OPHN1: variants seen among roughly 807,000 people sequenced by gnomAD.
The protein encoded by OPHN1 is oligophrenin 1.
Under a neutral mutation model 60.7 loss-of-function variants are expected in OPHN1, and 11 were observed. That is an observed-to-expected ratio of 0.18 (90% CI 0.11 to 0.30). The LOEUF (loss-of-function observed/expected upper bound fraction) is 0.30. Among genes scored for constraint, OPHN1 ranks in the 10% least tolerant of loss-of-function variants. The pLI is 1.00. For synonymous variants in OPHN1, 226 were observed against 222.6 expected (o/e 1.02, Z -0.14); for missense variants, 449 against 611.0 (o/e 0.73, Z 2.80).
intron 6 of OPHN1, among the ~76,000 whole-genome samples, chrX:68,217,043 G>A (rs1007768830): frequency 7.2e-5 from 8 of 111,401 alleles, no homozygotes. Flanking sequence ...GGGAGTGCCA[G>A]ACATTGGGCG....
At chrX:68,187,316 G>A (rs2077467076) in intron 15 of OPHN1, among the ~76,000 whole-genome samples, 1 of 111,270 alleles carries the variant, frequency 9.0e-6, no homozygotes. Flanking sequence ...CTTGAGATAG[G>A]AAGATTATTC....
chrX:68,232,691 C>T (rs2077734000), intron 6 of OPHN1, among the ~76,000 whole-genome samples: 1 of 111,765 alleles, frequency 8.9e-6, no homozygotes, highest in African/African-American at 3.3e-5. Context: ...AGCTGTTTAA[C>T]AGTGAAGTTC....
At chrX:68,200,677 C>A (rs2077531583) in intron 11 of OPHN1, among the ~76,000 whole-genome samples, 1 of 111,473 alleles carries the variant, frequency 9.0e-6, no homozygotes, top group African/African-American at 3.3e-5. Context: ...AATAATGAAA[C>A]AAGCTAAGTC....
intron 21 of OPHN1, among the ~76,000 whole-genome samples, chrX:68,061,028 A>G (rs2076890932): frequency 8.9e-6 from 1 of 111,829 alleles, no homozygotes; most frequent in African/African-American, 3.3e-5. Flanking sequence ...GGTTAGGTTC[A>G]AAGAGGCAAC....
intron 2 of OPHN1, among the ~76,000 whole-genome samples, chrX:68,306,007 C>T (rs1248989437): frequency 8.9e-6 from 1 of 111,900 alleles, no homozygotes; most frequent in Admixed American, 9.5e-5. Flanking sequence ...ATCAATAAAA[C>T]AATGGAAATA....
intron 15 of OPHN1, among the ~76,000 whole-genome samples, chrX:68,131,159 G>T (rs1450408860): frequency 9.0e-6 from 1 of 110,593 alleles, no homozygotes; most frequent in African/African-American, 3.3e-5. Context: ...TAGATTTCAA[G>T]CCAAAAAGCA....
intron 16 of OPHN1, 121 bp downstream of exon 16, chrX:68,119,127 A>T: frequency 1.9e-6 from 1 of 520,844 alleles, no homozygotes; most frequent in Non-Finnish European, 3.4e-6. Context: ...TCCTCTTCAC[A>T]TGTTTTTTCT....
intron 15 of OPHN1, among the ~76,000 whole-genome samples, chrX:68,177,139 T>G (rs1167373290): frequency 2.7e-5 from 3 of 110,345 alleles, no homozygotes; most frequent in Non-Finnish European, 5.7e-5. Flanking sequence ...ACAGTTTGAT[T>G]TCATTTATAT....
intron 2 of OPHN1, among the ~76,000 whole-genome samples, chrX:68,395,674 C>T (rs1400427903): frequency 9.2e-6 from 1 of 108,478 alleles, no homozygotes; most frequent in Non-Finnish European, 1.9e-5. Flanking sequence ...CTCGAACTCC[C>T]GACTTCAGGT....
rs187627806 is a variant in OPHN1 at position 68,064,403 on chromosome X, T to C, written c.1835-226A>G. ...TAGGGAATTCAAGATCCGCGTATGA[T>C]TTTCACCACCACAATTCAATAAGCC... On this transcript the variant is annotated intron_variant, in intron 20 of 24. Transcript: ENST00000355520. Among the ~76,000 whole-genome samples, 3 of 111,033 alleles carry C rather than the reference T, an allele frequency of 2.7e-5. No individual in the cohort carries two copies. In the East Asian group the frequency reaches 8.5e-4, roughly 32 times the overall value.
intron 20 of OPHN1, among the ~76,000 whole-genome samples, chrX:68,065,881 T>G (rs904806008): frequency 8.9e-6 from 1 of 112,337 alleles, no homozygotes; most frequent in Non-Finnish European, 1.9e-5. Flanking sequence ...CTAGACAGTT[T>G]TATTCTCCTT....
chrX:68,266,020 G>A (rs1406036978), intron 5 of OPHN1, among the ~76,000 whole-genome samples: 2 of 111,381 alleles, frequency 1.8e-5, no homozygotes, highest in African/African-American at 6.5e-5. Context: ...AAGAAATATG[G>A]GACTATGTGA....
intron 15 of OPHN1, among the ~76,000 whole-genome samples, chrX:68,156,790 T>C (rs2147498300): frequency 9.0e-6 from 1 of 111,604 alleles, no homozygotes; most frequent in Admixed American, 9.6e-5. Flanking sequence ...AAAGAAGAAA[T>C]GAAGAGACAA....
intron 18 of OPHN1, among the ~76,000 whole-genome samples, chrX:68,106,859 A>G (rs1207822873): frequency 1.8e-5 from 2 of 111,853 alleles, no homozygotes; most frequent in Admixed American, 9.5e-5. Context: ...AAATTTCTCT[A>G]TTGAAACTAA....
chrX:68,322,705 T>C (rs1297477104), intron 2 of OPHN1, among the ~76,000 whole-genome samples: 3 of 111,479 alleles, frequency 2.7e-5, no homozygotes, highest in Non-Finnish European at 5.6e-5. Flanking sequence ...AAGAATCGCT[T>C]GAATCCGGGA....
At chrX:68,148,323 G>C (rs1463975052) in intron 15 of OPHN1, among the ~76,000 whole-genome samples, 2 of 111,397 alleles carry the variant, frequency 1.8e-5, no homozygotes, top group Non-Finnish European at 3.8e-5. Context: ...TATCAGGGTT[G>C]TTTATGCCAA....
rs778118782 is a variant in OPHN1 at position 68,119,379 on chromosome X, A to T, written c.1277-47T>A. The T allele has an allele frequency of 2.4e-5, 23 of 964,372 alleles. No homozygotes were observed. The African/African-American group carries it at 3.4e-4, about 14-fold the overall frequency. The allele number at this position is 964,372 out of a possible 1,213,427, so 79.5% of individuals were successfully genotyped here. On this transcript the variant is annotated intron_variant, in intron 15 of 24. Transcript: ENST00000355520. ...AAAACAAAAGTTAATCATCAAAAAA[A>T]TCTTACATTTTCCCTCTTTTAAAAG...
chrX:68,410,851 A>T (rs1215480203), intron 2 of OPHN1, among the ~76,000 whole-genome samples: 1 of 112,051 alleles, frequency 8.9e-6, no homozygotes, highest in East Asian at 2.8e-4. Context: ...TGTTCACAAT[A>T]GCCAAAAAGT....
chrX:68,053,520 C>T (rs1238815229), intron 22 of OPHN1, 125 bp downstream of exon 22: 1 of 699,279 alleles, frequency 1.4e-6, no homozygotes, highest in Non-Finnish European at 2.2e-6. Flanking sequence ...TGATATTTCC[C>T]TAGACTATAA....
Sources: allele counts gnomAD v4.1 joint callset (sites outside exome capture counted in the v4.1 genomes callset), GRCh38; gene constraint gnomAD v4.1.1; transcripts MANE v1.5; gene names NCBI Gene and HGNC (gene_info 2026-07-23, HGNC 2026-07-21).